ADAMTS17: variants seen among roughly 807,000 people sequenced by gnomAD.
The protein encoded by ADAMTS17 is A disintegrin and metalloproteinase with thrombospondin motifs 17.
Under a neutral mutation model 141.5 loss-of-function variants are expected in ADAMTS17, and 113 were observed. The observed-to-expected ratio is 0.80, with a 90% CI of 0.69 to 0.93. ADAMTS17 has a LOEUF of 0.93. ADAMTS17 is among the 40% of genes least tolerant of loss of function. ADAMTS17 has a pLI of 0.00. For synonymous variants in ADAMTS17, 768 were observed against 630.6 expected (o/e 1.22, Z -3.27); for missense variants, 1,659 against 1,517.9 (o/e 1.09, Z -1.54).
chr15:100,016,970 G>A (rs931534717), intron 18 of ADAMTS17, among the ~76,000 whole-genome samples: 1 of 152,162 alleles, frequency 6.6e-6, no homozygotes, highest in African/African-American at 2.4e-5. Flanking sequence ...GGGTGGATAG[G>A]GAAGGCCCAT....
chr15:100,026,778 C>T (rs2061523110), intron 18 of ADAMTS17, among the ~76,000 whole-genome samples: 1 of 152,214 alleles, frequency 6.6e-6, no homozygotes, highest in Non-Finnish European at 1.5e-5. Context: ...TCTCAGCTTC[C>T]TCAGACTTTG....
intron 17 of ADAMTS17, 71 bp from the exon 18 acceptor site, chr15:100,049,063 C>G: frequency 6.2e-7 from 1 of 1,610,904 alleles, no homozygotes; most frequent in South Asian, 1.1e-5. Context: ...CTTGCATGCC[C>G]ATGAAAGCAT....
intron 3 of ADAMTS17, among the ~76,000 whole-genome samples, chr15:100,312,552 A>G: frequency 6.6e-6 from 1 of 152,362 alleles, no homozygotes; most frequent in East Asian, 1.9e-4. Flanking sequence ...CGGTAATAAG[A>G]AAGTAATGCC....
chr15:100,172,200 G>A (rs1410695873), intron 8 of ADAMTS17, among the ~76,000 whole-genome samples: 1 of 152,184 alleles, frequency 6.6e-6, no homozygotes, highest in Admixed American at 6.5e-5. Flanking sequence ...GAATCCCCTG[G>A]AGAATACTAG....
chr15:100,172,739 C>A (rs1354682000), intron 8 of ADAMTS17, among the ~76,000 whole-genome samples: 2 of 152,230 alleles, frequency 1.3e-5, no homozygotes, highest in Non-Finnish European at 2.9e-5. Flanking sequence ...GTAGGGGCTA[C>A]CTGCATTAGG....
chr15:100,248,955 C>T (rs758580566), intron 7 of ADAMTS17, among the ~76,000 whole-genome samples: 8 of 152,082 alleles, frequency 5.3e-5, no homozygotes, highest in South Asian at 2.1e-4. Context: ...CCCGCCACCA[C>T]GCCTGGCTAA....
At chr15:100,291,885 C>T (rs191063945) in intron 3 of ADAMTS17, among the ~76,000 whole-genome samples, 28 of 152,288 alleles carry the variant, frequency 1.8e-4, no homozygotes, top group Middle Eastern at 6.8e-3. Flanking sequence ...CCCCACGATG[C>T]GATTTATTTG....
intron 8 of ADAMTS17, among the ~76,000 whole-genome samples, chr15:100,169,082 G>A (rs551554076): frequency 3.9e-4 from 59 of 152,336 alleles, no homozygotes; most frequent in Non-Finnish European, 6.5e-4. Context: ...TCCCTTAGAG[G>A]TGGGGATTCA....
At chr15:100,257,600 C>A (rs2043370180) in intron 6 of ADAMTS17, among the ~76,000 whole-genome samples, 1 of 152,270 alleles carries the variant, frequency 6.6e-6, no homozygotes, top group Non-Finnish European at 1.5e-5. Flanking sequence ...GCCCAGCAGC[C>A]TGTGGCTGAC....
intron 19 of ADAMTS17, among the ~76,000 whole-genome samples, chr15:99,994,452 T>TAAAA (rs113195908): frequency 7.1e-6 from 1 of 141,392 alleles, no homozygotes; most frequent in African/African-American, 2.7e-5. Flanking sequence ...CCCAATCTCT[T>TAAAA]AAAAAAAAAA....
intron 2 of ADAMTS17, among the ~76,000 whole-genome samples, chr15:100,339,938 C>T (rs988318979): frequency 3.9e-5 from 6 of 152,182 alleles, no homozygotes; most frequent in African/African-American, 1.2e-4. Context: ...CTCGAGGACT[C>T]GCCACAGACT....
chr15:99,975,804 G>A (rs1434409078), intron 21 of ADAMTS17, among the ~76,000 whole-genome samples: 1 of 152,228 alleles, frequency 6.6e-6, no homozygotes, highest in Admixed American at 6.5e-5. Flanking sequence ...GTTGGGCAAA[G>A]GGGTGAGGGA....
rs59063520 is a variant in ADAMTS17, at chr15:100,180,150, T to G, written c.1181+19168A>C. On this transcript the variant is annotated intron_variant, in intron 8 of 21. Coordinates refer to ENST00000268070, the MANE Select transcript of ADAMTS17 (RefSeq NM_139057.4). ...CCCACTGTTTTATCAGTTTCATAGT[T>G]TGAGGTCTTAGATTTAAGTCTTTAA... Among the ~76,000 whole-genome samples, 1,457 of 152,290 alleles carry G rather than the reference T, an allele frequency of 9.6e-3. 26 individuals carry two copies. Among genetic ancestry groups the G allele is most frequent in the African/African-American group, 0.034 (1,405 of 41,548 alleles).
At chr15:100,174,822 T>C (rs767246543) in intron 8 of ADAMTS17, among the ~76,000 whole-genome samples, 39 of 152,196 alleles carry the variant, frequency 2.6e-4, no homozygotes, top group Non-Finnish European at 4.0e-4. Context: ...CGACAGTAGA[T>C]ATTTTTACTA....
At position 100,172,074 on chromosome 15, in the gene ADAMTS17, A is replaced by G. The variant is rs138091548; in HGVS notation, c.1182-16754T>C. ...GACCATTCATGTTCTGCCTGAGGTA[A>G]CTTAACACTAGGGAGACAGGACAGA... On this transcript the variant is annotated intron_variant, in intron 8 of 21. Coordinates refer to ENST00000268070, the MANE Select transcript of ADAMTS17 (RefSeq NM_139057.4). Among the ~76,000 whole-genome samples the G allele has an allele frequency of 2.8e-3, 426 of 152,312 alleles. 1 individual carries two copies. The highest frequency in any genetic ancestry group is 9.8e-3 in the African/African-American group (408 of 41,560).
At chr15:100,265,010 T>C (rs1321749461) in intron 4 of ADAMTS17, among the ~76,000 whole-genome samples, 3 of 152,190 alleles carry the variant, frequency 2.0e-5, no homozygotes, top group African/African-American at 7.2e-5. Flanking sequence ...ATTAAAAAAA[T>C]AAAGCTTCAT....
chr15:100,051,599 C>T lies in ADAMTS17; in HGVS notation c.2428G>A (p.Glu810Lys), dbSNP rs1484375973. Residue 810 changes from glutamate to lysine, a missense_variant, in exon 17 of 22, where the codon GAA becomes AAA. Coordinates refer to ENST00000268070, the MANE Select transcript of ADAMTS17 (RefSeq NM_139057.4). ...CCGCCGCACTGCACACTGCACCCTT[C>T]CCAGCCGCTGTGGGTCCAGATGAAC... ...SLFIWTHSGWEGCSVQCGGGE... is the reference protein window; with the variant it reads ...SLFIWTHSGWKGCSVQCGGGE... The T allele has an allele frequency of 6.2e-7, 1 of 1,614,016 alleles. No individual in the cohort carries two copies. Among genetic ancestry groups the T allele is most frequent in the Non-Finnish European group, 8.5e-7 (1 of 1,179,976 alleles).
intron 4 of ADAMTS17, among the ~76,000 whole-genome samples, 199 bp downstream of exon 4, chr15:100,281,030 C>A (rs1307430828): frequency 1.3e-5 from 2 of 152,170 alleles, no homozygotes; most frequent in African/African-American, 2.4e-5. Context: ...CAGTGTGGAG[C>A]CGAGGGCAGG....
At chr15:100,116,131 G>GA (rs2037100483) in intron 13 of ADAMTS17, among the ~76,000 whole-genome samples, 1 of 80,070 alleles carries the variant, frequency 1.2e-5, no homozygotes, top group African/African-American at 8.1e-5. Context: ...ACAGTTTTAG[G>GA]TAAAAAAAAA....
Sources: allele counts gnomAD v4.1 joint callset (sites outside exome capture counted in the v4.1 genomes callset), GRCh38; gene constraint gnomAD v4.1.1; transcripts MANE v1.5; gene names NCBI Gene and HGNC (gene_info 2026-07-23, HGNC 2026-07-21).